The following ROBO1 variants were observed in gnomAD, a reference collection of about 807,000 sequenced individuals.
ROBO1 encodes roundabout guidance receptor 1, also known as roundabout homolog 1.
Under a neutral mutation model 195.9 loss-of-function variants are expected in ROBO1, and 149 were observed. That is an observed-to-expected ratio of 0.76 (90% CI 0.67 to 0.87). The LOEUF is 0.87. ROBO1 is among the 40% of genes least tolerant of loss of function. The pLI, the probability that ROBO1 is intolerant of heterozygous loss-of-function variation, is 0.00. For missense variants in ROBO1, 1,933 were observed against 2,068.3 expected, an observed-to-expected ratio of 0.93 and a Z score of 1.27; for synonymous variants, 816 against 733.2, an observed-to-expected ratio of 1.11 and a Z score of -1.82.
chr3:78,999,275 T>C (rs1046715252), intron 3 of ROBO1, among the ~76,000 whole-genome samples: 2 of 152,080 alleles, frequency 1.3e-5, no homozygotes, highest in Non-Finnish European at 2.9e-5. Context: ...ATCACACTAC[T>C]TACAATACCA....
chr3:79,189,891 A>C (rs2108753014), intron 2 of ROBO1, among the ~76,000 whole-genome samples: 1 of 151,852 alleles, frequency 6.6e-6, no homozygotes, highest in African/African-American at 2.4e-5. Context: ...CAGGTACATT[A>C]GAACGTTAAG....
chr3:78,931,223 CT>C (rs1162025955), intron 4 of ROBO1, among the ~76,000 whole-genome samples: 2 of 128,772 alleles, frequency 1.6e-5, no homozygotes, highest in African/African-American at 5.5e-5. Context: ...ACAACATTTT[CT>C]TTTCTTTCTT....
At chr3:79,178,346 A>C (rs899648552) in intron 2 of ROBO1, among the ~76,000 whole-genome samples, 3 of 152,246 alleles carry the variant, frequency 2.0e-5, no homozygotes, top group African/African-American at 4.8e-5. Context: ...GCCTTATAAG[A>C]AATTAATTGT....
Position 79,592,290 on chromosome 3 carries a change from C to T in ROBO1, c.-50-2329G>A, listed in dbSNP as rs187912235. 2.2e-4 allele frequency among the ~76,000 whole-genome samples: 33 copies of T among 151,838 alleles called. No individual in the cohort carries two copies. In the East Asian group the frequency reaches 2.7e-3, roughly 13 times the overall value. On this transcript the variant is annotated intron_variant, in intron 1 of 30. Coordinates refer to ENST00000464233, the MANE Select transcript of ROBO1 (RefSeq NM_002941.4). ...AACACTTATTATAATTGATTGAATT[C>T]CCCCAAGTTATATTATTCAACAGGC...
chr3:78,821,443 C>T (rs1247560183), intron 4 of ROBO1, among the ~76,000 whole-genome samples: 5 of 152,088 alleles, frequency 3.3e-5, no homozygotes, highest in African/African-American at 1.2e-4. Flanking sequence ...GGATTACAGG[C>T]ATGAGCCACT....
At chr3:79,414,960 C>A (rs2037937950) in intron 2 of ROBO1, among the ~76,000 whole-genome samples, 1 of 152,166 alleles carries the variant, frequency 6.6e-6, no homozygotes, top group Non-Finnish European at 1.5e-5. Flanking sequence ...CATGTCTGCA[C>A]TCTCTCTTCC....
intron 2 of ROBO1, among the ~76,000 whole-genome samples, chr3:79,287,491 T>G (rs2031958453): frequency 6.6e-6 from 1 of 152,196 alleles, no homozygotes; most frequent in South Asian, 2.1e-4. Context: ...ATACTGAAAG[T>G]ATACACTAGT....
intron 4 of ROBO1, among the ~76,000 whole-genome samples, chr3:78,791,011 C>T (rs2084002401): frequency 6.6e-6 from 1 of 152,096 alleles, no homozygotes; most frequent in Admixed American, 6.6e-5. Context: ...AATAGGATAA[C>T]ACAAATAGGG....
Position 78,668,229 on chromosome 3 carries a change from T to G in ROBO1, c.1704A>C (p.Glu568Asp). ...CTGTATTTCTGCTGACATCTGTCAC[T>G]TCAGGTTTTGATGGGGCACTAGGGA... ...NLIPSAPSKP[E>D]VTDVSRNTVT... Residue 568 changes from glutamate (E) to aspartate (D), a missense_variant, in exon 13 of 31, where the codon GAA (glutamate) becomes GAC (aspartate). Transcript: ENST00000464233. 6.2e-7 allele frequency: 1 copy of G among 1,613,586 alleles called. No individual in the cohort carries two copies. Among genetic ancestry groups the G allele is most frequent in the Non-Finnish European group, 8.5e-7 (1 of 1,179,516 alleles).
intron 2 of ROBO1, among the ~76,000 whole-genome samples, chr3:79,263,064 T>C (rs1296262767): frequency 1.3e-5 from 2 of 152,112 alleles, no homozygotes; most frequent in Non-Finnish European, 2.9e-5. Flanking sequence ...TTGTATTTCA[T>C]TTTTCTGAAA....
chr3:79,432,689 C>T (rs1187933191), intron 2 of ROBO1, among the ~76,000 whole-genome samples: 3 of 152,074 alleles, frequency 2.0e-5, no homozygotes, highest in African/African-American at 4.8e-5. Context: ...ATGTCTGCCC[C>T]GCAAAATATA....
rs532993847 is a variant in ROBO1, at chr3:79,281,676, TTTAAA to T, written c.89-156142_89-156138del. 1.3e-4 allele frequency among the ~76,000 whole-genome samples: 20 copies of T among 152,318 alleles called. No homozygotes were observed. The South Asian group carries it at 3.9e-3, about 30-fold the overall frequency. ...ATATCTTACATTGCTGTATATTCAATTTAAATTAATGACAACTGGATTTATTCAAC... is the reference window on the plus strand; with the variant it reads ...ATATCTTACATTGCTGTATATTCAATTTAATGACAACTGGATTTATTCAAC... On this transcript the variant is annotated intron_variant, in intron 2 of 30. Transcript: ENST00000464233.
chr3:78,996,345 A>AC (rs201997319), intron 3 of ROBO1, among the ~76,000 whole-genome samples: 503 of 150,216 alleles, frequency 3.3e-3, no homozygotes, highest in East Asian at 9.7e-3. Flanking sequence ...AAAAACAAAA[A>AC]AAAAAAACTC....
intron 2 of ROBO1, among the ~76,000 whole-genome samples, chr3:79,172,082 A>G (rs1365035497): frequency 6.6e-6 from 1 of 151,732 alleles, no homozygotes; most frequent in Non-Finnish European, 1.5e-5. Flanking sequence ...CAATAACAAG[A>G]ACAACAGCAA....
At chr3:78,836,362 A>G (rs960950818) in intron 4 of ROBO1, among the ~76,000 whole-genome samples, 2 of 151,634 alleles carry the variant, frequency 1.3e-5, no homozygotes, top group African/African-American at 2.4e-5. Context: ...AATACAAAAC[A>G]TTAGCGGGGT....
At chr3:79,619,747 G>T (rs558973465) in intron 1 of ROBO1, among the ~76,000 whole-genome samples, 1 of 152,056 alleles carries the variant, frequency 6.6e-6, no homozygotes, top group Non-Finnish European at 1.5e-5. Context: ...GGCCTGTTTG[G>T]CAACAACCCT....
chr3:78,938,917 A>G lies in ROBO1; in HGVS notation c.183T>C (p.Leu61=). 1.2e-6 allele frequency: 2 copies of G among 1,606,566 alleles called. No individual in the cohort carries two copies. The highest frequency in any genetic ancestry group is 4.5e-5 in the East Asian group (2 of 44,762). Reference sequence around the variant, plus strand: ...TGCGAGGTGGAAAATCTTCCTGACGAAGACGGGAGCCTGCAGAAGAATTCA... The same window carrying G: ...TGCGAGGTGGAAAATCTTCCTGACGGAGACGGGAGCCTGCAGAAGAATTCA... ...DNSLGYTGSR[L]RQEDFPPRIV... is the part of the protein sequence containing the mutation. Residue 61 remains leucine, a synonymous_variant, in exon 4 of 31, where the codon CTT becomes CTC. Coordinates refer to ENST00000464233, the MANE Select transcript of ROBO1 (RefSeq NM_002941.4).
Position 79,333,081 on chromosome 3 carries a change from T to TA in ROBO1, c.89-207543dup, listed in dbSNP as rs1481993798. Among the ~76,000 whole-genome samples, 11 of 151,820 alleles carry TA rather than the reference T, an allele frequency of 7.2e-5. No homozygotes were observed. The South Asian group carries it at 2.1e-3, about 29-fold the overall frequency. ...AGCCAGGGGGGGTAGCATGCGCCTG[T>TA]AGTCCCAGCTGCTTGGGAGGCTTAG... On this transcript the variant is annotated intron_variant, in intron 2 of 30. Coordinates refer to ENST00000464233, the MANE Select transcript of ROBO1 (RefSeq NM_002941.4).
intron 3 of ROBO1, among the ~76,000 whole-genome samples, chr3:78,965,125 G>A (rs1483703036): frequency 1.3e-5 from 2 of 151,868 alleles, no homozygotes; most frequent in Non-Finnish European, 2.9e-5. Context: ...TAAACATAGA[G>A]TTTACTATTT....
Sources: allele counts gnomAD v4.1 joint callset (sites outside exome capture counted in the v4.1 genomes callset), GRCh38; gene constraint gnomAD v4.1.1; transcripts MANE v1.5; gene names NCBI Gene and HGNC (gene_info 2026-07-23, HGNC 2026-07-21).